SYTL2: variants seen among roughly 807,000 people sequenced by gnomAD.
The protein encoded by SYTL2 is synaptotagmin-like protein 2.
A neutral mutation model predicts 198.7 loss-of-function variants in SYTL2; 165 were observed. The observed-to-expected ratio is 0.83, with a 90% CI of 0.73 to 0.94. SYTL2 has a LOEUF of 0.94. SYTL2 is among the 40% of genes least tolerant of loss of function. The pLI is 0.00. For synonymous variants in SYTL2, 966 were observed against 917.7 expected (o/e 1.05, Z -0.95); for missense variants, 2,835 against 2,582.8 (o/e 1.10, Z -2.12).
intron 2 of SYTL2, among the ~76,000 whole-genome samples, chr11:85,753,747 A>G (rs993650929): frequency 3.5e-5 from 5 of 143,070 alleles, no homozygotes; most frequent in Admixed American, 1.4e-4. Flanking sequence ...CCTGGGTCAC[A>G]GAGAGAAACT....
At position 85,698,083 on chromosome 11, in the gene SYTL2, A is replaced by G. The variant is rs1413563709; in HGVS notation, c.6269-5T>C. 1 of 1,607,892 alleles carries G rather than the reference A, an allele frequency of 6.2e-7. No homozygotes were observed. Among genetic ancestry groups the G allele is most frequent in the Non-Finnish European group, 8.5e-7 (1 of 1,175,166 alleles). On this transcript the variant is annotated splice_polypyrimidine_tract_variant and splice_region_variant and intron_variant, in intron 17 of 19. Transcript: ENST00000359152. ...CAGTTGTAGGAAGCTTTTTACCTAC[A>G]ATAGAAAAAGAAGAGAAAATTTTCA...
intron 18 of SYTL2, among the ~76,000 whole-genome samples, chr11:85,696,680 A>C (rs907425543): frequency 3.9e-5 from 6 of 152,202 alleles, no homozygotes; most frequent in Non-Finnish European, 8.8e-5. Context: ...TTCATCTATA[A>C]AATGGGAATG....
In SYTL2 at chr11:85,802,147, C is replaced by G. The variant is rs149518042; in HGVS notation, c.-390+8807G>C. 1.3e-5 allele frequency among the ~76,000 whole-genome samples: 2 copies of G among 152,042 alleles called. 1 individual carries two copies. The highest frequency in any genetic ancestry group is 3.9e-4 in the East Asian group (2 of 5,154). On this transcript the variant is annotated intron_variant, in intron 1 of 19. Transcript: ENST00000359152. ...CTCCTGGTATCCCTTCTCTCCCTGC[C>G]TCCATGGCTTTGAACTTGAAACATC...
chr11:85,797,126 G>A (rs2092815216), intron 1 of SYTL2, among the ~76,000 whole-genome samples: 2 of 152,166 alleles, frequency 1.3e-5, no homozygotes, highest in Non-Finnish European at 2.9e-5. Flanking sequence ...AGGAGGTCAA[G>A]GCTGAATAGC....
chr11:85,849,795 TTAAAG>T, the SYTL2 span, among the ~76,000 whole-genome samples: 301 of 140,136 alleles, frequency 2.1e-3, 2 homozygotes, highest in African/African-American at 7.9e-3. Flanking sequence ...CATATGAACT[TTAAAG>T]TAGTTTTTTC....
At chr11:85,854,287 A>AT in the SYTL2 span, 2 of 142,116 alleles carry the variant, frequency 1.4e-5, no homozygotes, top group Admixed American at 1.4e-4. Context: ...ATTTCCACTC[A>AT]TTAAAAAAAA....
the SYTL2 span, chr11:85,853,626 C>T: frequency 1.3e-5 from 2 of 150,686 alleles, no homozygotes; most frequent in African/African-American, 4.9e-5. Context: ...TGCCAAATCC[C>T]CCTCTGCGAG....
chr11:85,817,095 T>C, the SYTL2 span, among the ~76,000 whole-genome samples: 1 of 152,122 alleles, frequency 6.6e-6, no homozygotes, highest in Non-Finnish European at 1.5e-5. Context: ...GTGTAGTGAC[T>C]CTTACTAACT....
chr11:85,789,839 C>T (rs1398800386), intron 1 of SYTL2, among the ~76,000 whole-genome samples: 2 of 151,852 alleles, frequency 1.3e-5, no homozygotes, highest in Non-Finnish European at 2.9e-5. Flanking sequence ...GAGAGAAGGC[C>T]AAAGTTATGA....
At chr11:85,821,004 A>G in the SYTL2 span, among the ~76,000 whole-genome samples, 1 of 152,206 alleles carries the variant, frequency 6.6e-6, no homozygotes, top group Non-Finnish European at 1.5e-5. Flanking sequence ...TGGGGGATAC[A>G]ACAGTGAATG....
intron 14 of SYTL2, chr11:85,708,227 C>G (rs2085560330): frequency 2.8e-6 from 1 of 350,878 alleles, no homozygotes. Flanking sequence ...TAGTTTGTTC[C>G]CCTCTGAGAA....
chr11:85,796,556 T>A (rs544411634), intron 1 of SYTL2, among the ~76,000 whole-genome samples: 1 of 152,344 alleles, frequency 6.6e-6, no homozygotes, highest in African/African-American at 2.4e-5. Context: ...TAGCTCTTTG[T>A]CACCCAGATC....
chr11:85,821,850 T>C, the SYTL2 span, among the ~76,000 whole-genome samples: 2 of 152,112 alleles, frequency 1.3e-5, no homozygotes, highest in African/African-American at 2.4e-5. Context: ...CTCCCCAGAA[T>C]CCAGTGGGAG....
At chr11:85,741,073 T>G (rs1379920216) in intron 4 of SYTL2, among the ~76,000 whole-genome samples, 1 of 128,482 alleles carries the variant, frequency 7.8e-6, no homozygotes, top group Admixed American at 7.5e-5. Flanking sequence ...TTTCTGAGGT[T>G]TTTTTTTTTT....
At position 85,718,798 on chromosome 11, in the gene SYTL2, G is replaced by A; in HGVS notation, c.5474C>T (p.Ala1825Val). The A allele has an allele frequency of 6.2e-7, 1 of 1,613,288 alleles. No individual in the cohort carries two copies. Among genetic ancestry groups the A allele is most frequent in the Non-Finnish European group, 8.5e-7 (1 of 1,179,428 alleles). Residue 1825 changes from alanine to valine, a missense_variant, in exon 10 of 20, where the codon GCT becomes GTT. Ala to Val is a moderately conservative substitution (Grantham distance 64, BLOSUM62 0). Coordinates refer to ENST00000359152, the MANE Select transcript of SYTL2 (RefSeq NM_206927.4). ...DNQPEELVRS[A>V]EDDEKPDQKP... ...TACATAAAGATATTTACCATCTTCAGCACTACGCACTAATTCTTCTGGCTG... is the reference window on the plus strand; with the variant it reads ...TACATAAAGATATTTACCATCTTCAACACTACGCACTAATTCTTCTGGCTG...
chr11:85,735,666 A>G (rs2090270075), intron 6 of SYTL2, among the ~76,000 whole-genome samples: 1 of 152,138 alleles, frequency 6.6e-6, no homozygotes, highest in Non-Finnish European at 1.5e-5. Context: ...CTGAGGCACT[A>G]GAAGCCCCGG....
chr11:85,753,566 C>G (rs1425136980), intron 2 of SYTL2, among the ~76,000 whole-genome samples: 2 of 152,084 alleles, frequency 1.3e-5, no homozygotes. Flanking sequence ...CTGTGCAACA[C>G]TCACTTTTCC....
At chr11:85,853,783 A>C in the SYTL2 span, 20,939 of 152,038 alleles carry the variant, frequency 0.14, 1,770 homozygotes, top group Middle Eastern at 0.2. Context: ...CCAAAGCAAA[A>C]AGTCAGGAAA....
the SYTL2 span, among the ~76,000 whole-genome samples, chr11:85,836,502 A>C: frequency 6.6e-6 from 1 of 152,000 alleles, no homozygotes; most frequent in Non-Finnish European, 1.5e-5. Context: ...TAATAATAAT[A>C]ATATATTAAG....
Sources: allele counts gnomAD v4.1 joint callset (sites outside exome capture counted in the v4.1 genomes callset), GRCh38; gene constraint gnomAD v4.1.1; transcripts MANE v1.5; gene names NCBI Gene and HGNC (gene_info 2026-07-23, HGNC 2026-07-21).